Variants in RBFOX1 observed in about 807,000 individuals in gnomAD.
RBFOX1 encodes the protein RNA binding protein fox-1 homolog 1.
Under a neutral mutation model 57.7 loss-of-function variants are expected in RBFOX1, and 8 were observed. That is an observed-to-expected ratio of 0.14 (90% confidence interval 0.08 to 0.25). The LOEUF is 0.25. Ranked by LOEUF, RBFOX1 falls within the 10% of genes least tolerant of loss-of-function variation. The probability of loss-of-function intolerance (pLI) is 1.00; values close to 1 mark genes in which losing one functional copy is unlikely to be tolerated. For synonymous variants in RBFOX1, 326 were observed against 222.4 expected, an observed-to-expected ratio of 1.47 and a Z score of -4.15; for missense variants, 611 against 548.5, an observed-to-expected ratio of 1.11 and a Z score of -1.14.
intron 1 of RBFOX1, among the ~76,000 whole-genome samples, chr16:6,021,916 T>C (rs1235362570): frequency 6.6e-6 from 1 of 152,198 alleles, no homozygotes; most frequent in African/African-American, 2.4e-5. Context: ...TCTATGAGTT[T>C]TGTTTCTTTA....
At chr16:5,723,055 C>A (rs1019505196) in intron 3 of RBFOX1, among the ~76,000 whole-genome samples, 2 of 152,212 alleles carry the variant, frequency 1.3e-5, no homozygotes, top group Admixed American at 1.3e-4. Context: ...AAACTGCTTT[C>A]CTAATCTCCA....
chr16:5,643,222 A>G (rs1344270832), intron 3 of RBFOX1, among the ~76,000 whole-genome samples: 1 of 152,196 alleles, frequency 6.6e-6, no homozygotes, highest in East Asian at 1.9e-4. Context: ...TACATGGCAC[A>G]TGGGCAGGTG....
Position 5,314,246 on chromosome 16 carries a change from C to T in RBFOX1, c.219+74141C>T, listed in dbSNP as rs559327234. 3.3e-5 allele frequency among the ~76,000 whole-genome samples: 5 copies of T among 152,300 alleles called. No homozygotes were observed. In the East Asian group the frequency reaches 9.7e-4, roughly 29 times the overall value. ...GCTTAGGCAACCCAACTTGCGAATGCATGTATTGCAGACCCAACAGATAAC... is the reference window on the plus strand; with the variant it reads ...GCTTAGGCAACCCAACTTGCGAATGTATGTATTGCAGACCCAACAGATAAC... On this transcript the variant is annotated intron_variant, in intron 1 of 2. Transcript: ENST00000585867.
At chr16:7,537,442 C>G (rs1601246435) in intron 5 of RBFOX1, among the ~76,000 whole-genome samples, 2 of 152,168 alleles carry the variant, frequency 1.3e-5, no homozygotes, top group South Asian at 4.1e-4. Context: ...TGATGTGACT[C>G]AGTGTGTTCC....
intron 2 of RBFOX1, among the ~76,000 whole-genome samples, chr16:6,373,371 G>A (rs1567144812): frequency 6.6e-6 from 1 of 151,096 alleles, no homozygotes; most frequent in East Asian, 2.0e-4. Flanking sequence ...TTGGATGGAA[G>A]GATAGTTTTT....
chr16:6,763,627 A>G (rs1010808712), intron 3 of RBFOX1, among the ~76,000 whole-genome samples: 3 of 152,174 alleles, frequency 2.0e-5, no homozygotes, highest in African/African-American at 4.8e-5. Flanking sequence ...TGTCTCACCA[A>G]TTACGTATTT....
chr16:5,732,976 C>A (rs1047399868), intron 3 of RBFOX1, among the ~76,000 whole-genome samples: 1 of 152,116 alleles, frequency 6.6e-6, no homozygotes, highest in African/African-American at 2.4e-5. Context: ...TGGAAATGTT[C>A]CATGTTTTTA....
intron 3 of RBFOX1, among the ~76,000 whole-genome samples, chr16:6,720,776 CA>C (rs1252341899): frequency 6.6e-6 from 1 of 152,110 alleles, no homozygotes; most frequent in Non-Finnish European, 1.5e-5. Flanking sequence ...TTTTATTCTT[CA>C]AATAGGTGAT....
intron 3 of RBFOX1, among the ~76,000 whole-genome samples, chr16:6,735,442 A>AGT (rs2069933327): frequency 6.6e-6 from 1 of 152,222 alleles, no homozygotes; most frequent in African/African-American, 2.4e-5. Flanking sequence ...TTTCTGTCTT[A>AGT]GTCTCTGCAG....
At chr16:7,298,447 C>A (rs1444357258) in intron 4 of RBFOX1, among the ~76,000 whole-genome samples, 1 of 151,942 alleles carries the variant, frequency 6.6e-6, no homozygotes, top group Non-Finnish European at 1.5e-5. Context: ...TGCGACTATG[C>A]CTGAGGGCTA....
chr16:5,524,630 TC>T (rs1213320573), intron 2 of RBFOX1, among the ~76,000 whole-genome samples: 1 of 151,768 alleles, frequency 6.6e-6, no homozygotes, highest in Non-Finnish European at 1.5e-5. Context: ...AACCTCTGTG[TC>T]CTGGGTTCCG....
At chr16:5,428,297 G>A (rs953005913) in intron 1 of RBFOX1, among the ~76,000 whole-genome samples, 1 of 152,172 alleles carries the variant, frequency 6.6e-6, no homozygotes, top group African/African-American at 2.4e-5. Context: ...TCATGATGAG[G>A]TTCAAGCATC....
chr16:6,691,449 A>G (rs1309257328), intron 3 of RBFOX1, among the ~76,000 whole-genome samples: 2 of 144,006 alleles, frequency 1.4e-5, no homozygotes, highest in Non-Finnish European at 3.1e-5. Flanking sequence ...TACCTTTACC[A>G]TCTATTCCTT....
chr16:6,682,901 A>C (rs2058876916), intron 3 of RBFOX1, among the ~76,000 whole-genome samples: 1 of 151,696 alleles, frequency 6.6e-6, no homozygotes, highest in Admixed American at 6.6e-5. Context: ...ATGGAAGGAT[A>C]AGAAAAAAAA....
At chr16:7,197,868 T>A (rs2087144416) in intron 4 of RBFOX1, among the ~76,000 whole-genome samples, 2 of 152,066 alleles carry the variant, frequency 1.3e-5, no homozygotes, top group African/African-American at 4.8e-5. Context: ...ATAGGAAAAT[T>A]CACAGAGACA....
intron 2 of RBFOX1, among the ~76,000 whole-genome samples, chr16:6,580,587 AC>A (rs1555572431): frequency 4.3e-5 from 5 of 117,080 alleles, no homozygotes; most frequent in East Asian, 3.7e-4. Context: ...CAGAAATGTC[AC>A]AGGGGGGGAT....
chr16:5,296,774 G>A (rs2063679765), intron 1 of RBFOX1, among the ~76,000 whole-genome samples: 2 of 151,684 alleles, frequency 1.3e-5, no homozygotes, highest in South Asian at 4.2e-4. Context: ...TGCCTCCTGG[G>A]TTCAAGCAAT....
chr16:6,884,947 G>A (rs1002363874), intron 3 of RBFOX1, among the ~76,000 whole-genome samples: 1 of 152,066 alleles, frequency 6.6e-6, no homozygotes, highest in Non-Finnish European at 1.5e-5. Context: ...GTGTTAAATC[G>A]TAAAACTGAG....
chr16:7,018,657 T>A (rs2094039786), intron 3 of RBFOX1, among the ~76,000 whole-genome samples: 2 of 152,252 alleles, frequency 1.3e-5, no homozygotes, highest in South Asian at 2.1e-4. Context: ...TGCCACACTG[T>A]GTTCCACAAC....
Sources: allele counts gnomAD v4.1 joint callset (sites outside exome capture counted in the v4.1 genomes callset), GRCh38; gene constraint gnomAD v4.1.1; transcripts MANE v1.5; gene names NCBI Gene and HGNC (gene_info 2026-07-23, HGNC 2026-07-21).